The following PITPNC1 variants were observed in gnomAD, a reference collection of about 807,000 sequenced individuals.
The protein encoded by PITPNC1 is cytoplasmic phosphatidylinositol transfer protein 1.
In PITPNC1, 18 loss-of-function variants were observed where a neutral mutation model predicts 44.7. The observed-to-expected ratio is 0.40, with a 90% confidence interval of 0.28 to 0.60. PITPNC1 has a LOEUF of 0.60. Among genes scored for constraint, PITPNC1 ranks in the 20% least tolerant of loss-of-function variants. The pLI, the probability that PITPNC1 is intolerant of heterozygous loss-of-function variation, is 0.39. For missense variants in PITPNC1, 290 were observed against 418.4 expected, an observed-to-expected ratio of 0.69 and a Z score of 2.68; for synonymous variants, 141 against 149.6, an observed-to-expected ratio of 0.94 and a Z score of 0.42.
chr17:67,675,050 T>C (rs944592722), intron 7 of PITPNC1, among the ~76,000 whole-genome samples: 6 of 149,312 alleles, frequency 4.0e-5, no homozygotes, highest in Non-Finnish European at 7.4e-5. Context: ...CCTAGAAAAG[T>C]GTTCTAGATT....
At chr17:67,581,386 C>T (rs927433076) in intron 5 of PITPNC1, among the ~76,000 whole-genome samples, 1 of 152,216 alleles carries the variant, frequency 6.6e-6, no homozygotes, top group Non-Finnish European at 1.5e-5. Context: ...GGAGAAATCT[C>T]AGCTGTTGTA....
At chr17:67,527,190 C>A (rs2040401234) in intron 1 of PITPNC1, among the ~76,000 whole-genome samples, 1 of 147,890 alleles carries the variant, frequency 6.8e-6, no homozygotes, top group African/African-American at 2.5e-5. Flanking sequence ...CACCTCCCTC[C>A]CCTCTTTTTA....
At chr17:67,436,694 A>G (rs2038941230) in intron 1 of PITPNC1, among the ~76,000 whole-genome samples, 2 of 152,194 alleles carry the variant, frequency 1.3e-5, no homozygotes, top group South Asian at 2.1e-4. Flanking sequence ...GAATGGCAAC[A>G]GGGATAAAAG....
chr17:67,488,336 T>C (rs1270579958), intron 1 of PITPNC1, among the ~76,000 whole-genome samples: 1 of 152,178 alleles, frequency 6.6e-6, no homozygotes, highest in Non-Finnish European at 1.5e-5. Flanking sequence ...CCGGTTGTTA[T>C]ATAATGTGAA....
intron 1 of PITPNC1, among the ~76,000 whole-genome samples, chr17:67,460,227 C>T (rs1244392177): frequency 6.6e-6 from 1 of 152,162 alleles, no homozygotes; most frequent in Non-Finnish European, 1.5e-5. Context: ...CCTGGATTGC[C>T]ATTGTTCCTT....
rs1040265318 is a variant in PITPNC1 at position 67,696,866 on chromosome 17, T to C, written c.*3978T>C. On this transcript the variant is annotated 3_prime_UTR_variant, in exon 9 of 9. Transcript: ENST00000581322. The stretch of plus-strand genomic sequence containing the variant: ...ATTAACAAGGACTTTAGGATAAGCC[T>C]CTTGATGTTTTTTGCTTTAAATTGA... The C allele has an allele frequency of 4.8e-5, 2 of 41,606 alleles. No homozygotes were observed. Among genetic ancestry groups the C allele is most frequent in the Non-Finnish European group, 7.7e-5 (2 of 26,056 alleles). 2.6% of individuals were successfully genotyped at this position (41,606 alleles called of 1,614,324 possible).
chr17:67,688,111 G>A (rs908149779), intron 8 of PITPNC1, among the ~76,000 whole-genome samples: 9 of 151,086 alleles, frequency 6.0e-5, no homozygotes, highest in Non-Finnish European at 1.2e-4. Flanking sequence ...GGCCGAGGCA[G>A]GTGGATCACC....
intron 6 of PITPNC1, among the ~76,000 whole-genome samples, chr17:67,657,365 G>C (rs2042283454): frequency 6.6e-6 from 1 of 152,124 alleles, no homozygotes; most frequent in Non-Finnish European, 1.5e-5. Context: ...TATGACACCA[G>C]ACTGCAAAAT....
intron 5 of PITPNC1, among the ~76,000 whole-genome samples, chr17:67,581,849 A>G (rs1002177652): frequency 1.3e-5 from 2 of 152,178 alleles, no homozygotes; most frequent in African/African-American, 4.8e-5. Flanking sequence ...CCTGGCCAAC[A>G]TGGCGAAACC....
intron 1 of PITPNC1, among the ~76,000 whole-genome samples, chr17:67,430,591 G>A (rs1317198355): frequency 6.6e-6 from 1 of 152,136 alleles, no homozygotes; most frequent in African/African-American, 2.4e-5. Context: ...GTGGAAGCGG[G>A]AGGATTGCTT....
intron 1 of PITPNC1, among the ~76,000 whole-genome samples, chr17:67,394,447 C>G (rs1010843586): frequency 6.6e-6 from 1 of 152,214 alleles, no homozygotes; most frequent in Non-Finnish European, 1.5e-5. Context: ...TGAAGACCAA[C>G]ATTTTTCTAG....
At chr17:67,442,189 T>G (rs2039020804) in intron 1 of PITPNC1, among the ~76,000 whole-genome samples, 2 of 121,592 alleles carry the variant, frequency 1.6e-5, no homozygotes, top group Non-Finnish European at 3.3e-5. Context: ...TGGAGCTGGA[T>G]CAGGGGAAAA....
chr17:67,677,685 C>T (rs1028440076), intron 8 of PITPNC1, among the ~76,000 whole-genome samples: 2 of 151,964 alleles, frequency 1.3e-5, no homozygotes, highest in African/African-American at 2.4e-5. Flanking sequence ...CTCCTTGCCT[C>T]AGCCTCCCAA....
chr17:67,395,030 AT>A (rs1397974082), intron 1 of PITPNC1, among the ~76,000 whole-genome samples: 1 of 152,192 alleles, frequency 6.6e-6, no homozygotes. Context: ...CCCCATATCT[AT>A]TTATGTATAT....
At chr17:67,472,314 C>G (rs2039549010) in intron 1 of PITPNC1, among the ~76,000 whole-genome samples, 1 of 102,914 alleles carries the variant, frequency 9.7e-6, no homozygotes, top group African/African-American at 3.8e-5. Context: ...ATCATTAACA[C>G]TATGACAGCT....
chr17:67,659,787 CA>C (rs1045344425), intron 6 of PITPNC1, among the ~76,000 whole-genome samples: 25 of 152,282 alleles, frequency 1.6e-4, no homozygotes, highest in African/African-American at 6.0e-4. Flanking sequence ...AAGCTGTACA[CA>C]GCTTTTTAAT....
intron 5 of PITPNC1, chr17:67,612,003 G>T (rs1026348265): frequency 1.3e-5 from 2 of 152,348 alleles, no homozygotes; most frequent in East Asian, 1.9e-4. Context: ...GGCCTTGAGA[G>T]CCCAAGAATT....
chr17:67,675,475 T>C lies in PITPNC1; in HGVS notation c.619-4T>C. 1 of 1,600,986 alleles carries C rather than the reference T, an allele frequency of 6.2e-7. No individual in the cohort carries two copies. Among genetic ancestry groups the C allele is most frequent in the Non-Finnish European group, 8.6e-7 (1 of 1,168,042 alleles). On this transcript the variant is annotated splice_polypyrimidine_tract_variant and splice_region_variant and intron_variant, in intron 7 of 8. Transcript: ENST00000581322. The stretch of plus-strand genomic sequence containing the variant: ...TATTTCAGTCTCCTTCTTTTACTTT[T>C]TAGGTGGTCCGAGACATTCTGCTGA...
chr17:67,476,062 A>G (rs2039621866), intron 1 of PITPNC1, among the ~76,000 whole-genome samples: 1 of 152,214 alleles, frequency 6.6e-6, no homozygotes, highest in African/African-American at 2.4e-5. Context: ...AACAACTATT[A>G]TATTCTATCC....
Sources: allele counts gnomAD v4.1 joint callset (sites outside exome capture counted in the v4.1 genomes callset), GRCh38; gene constraint gnomAD v4.1.1; transcripts MANE v1.5; gene names NCBI Gene and HGNC (gene_info 2026-07-23, HGNC 2026-07-21).